Variants in ELF2 observed in about 807,000 individuals in gnomAD.
ELF2 encodes ETS-related transcription factor Elf-2.
Under a neutral mutation model 54.8 loss-of-function variants are expected in ELF2, and 11 were observed. The observed-to-expected ratio is 0.20, with a 90% confidence interval of 0.13 to 0.33. The LOEUF (loss-of-function observed/expected upper bound fraction) is 0.33. Ranked by LOEUF, ELF2 falls within the 10% of genes least tolerant of loss-of-function variation. The pLI, the probability that ELF2 is intolerant of heterozygous loss-of-function variation, is 1.00. For missense variants in ELF2, 513 were observed against 703.0 expected (o/e 0.73, Z 3.06); for synonymous variants, 203 against 245.1 (o/e 0.83, Z 1.61).
intron 1 of ELF2, among the ~76,000 whole-genome samples, chr4:139,146,261 A>G (rs1335642319): frequency 6.6e-6 from 1 of 152,222 alleles, no homozygotes; most frequent in African/African-American, 2.4e-5. Context: ...TAAGAACTCA[A>G]TCCATTTTAT....
At chr4:139,131,184 GAAT>G (rs935698763) in intron 3 of ELF2, among the ~76,000 whole-genome samples, 60 of 152,056 alleles carry the variant, frequency 3.9e-4, no homozygotes, top group African/African-American at 1.4e-3. Context: ...GAGAAACACT[GAAT>G]AATAACTGTA....
At chr4:139,143,313 T>G (rs916475568) in intron 1 of ELF2, among the ~76,000 whole-genome samples, 1 of 152,222 alleles carries the variant, frequency 6.6e-6, no homozygotes, top group Non-Finnish European at 1.5e-5. Flanking sequence ...CTCTGATCAC[T>G]GATTATTGCT....
chr4:139,171,529 G>T (rs1165954684), intron 1 of ELF2, among the ~76,000 whole-genome samples: 1 of 151,700 alleles, frequency 6.6e-6, no homozygotes, highest in Non-Finnish European at 1.5e-5. Flanking sequence ...TACATGAAAA[G>T]ATGCTCAATA....
chr4:139,121,404 A>G (rs1037238125), intron 4 of ELF2, among the ~76,000 whole-genome samples: 45 of 152,070 alleles, frequency 3.0e-4, no homozygotes, highest in African/African-American at 9.4e-4. Context: ...CACCATGCCC[A>G]GCCTAGTCTG....
intron 4 of ELF2, chr4:139,114,988 G>C (rs1037821146): frequency 1.5e-5 from 24 of 1,613,696 alleles, no homozygotes; most frequent in Non-Finnish European, 1.9e-5. Flanking sequence ...CAGCAGACCA[G>C]AAATGAAGGC....
chr4:139,086,272 G>C (rs1264847767), intron 4 of ELF2, among the ~76,000 whole-genome samples: 1 of 151,990 alleles, frequency 6.6e-6, no homozygotes, highest in African/African-American at 2.4e-5. Context: ...TTGGTACCTT[G>C]AGCATGTTTA....
At chr4:139,143,535 C>T (rs1302892400) in intron 1 of ELF2, among the ~76,000 whole-genome samples, 2 of 152,200 alleles carry the variant, frequency 1.3e-5, no homozygotes, top group Non-Finnish European at 2.9e-5. Flanking sequence ...GTAATCCCTG[C>T]ACTTTGGGAG....
intron 1 of ELF2, among the ~76,000 whole-genome samples, chr4:139,143,502 G>A (rs1314117143): frequency 2.0e-5 from 3 of 152,130 alleles, no homozygotes; most frequent in Non-Finnish European, 4.4e-5. Context: ...AGGACATTTG[G>A]CTGGGCACAG....
At position 139,159,710 on chromosome 4, in the gene ELF2, C is replaced by CCT. The variant is rs547314130; in HGVS notation, c.-252+17255_-252+17256dup. 1.0e-3 allele frequency among the ~76,000 whole-genome samples: 152 copies of CCT among 152,242 alleles called. 2 individuals carry two copies. The highest frequency in any genetic ancestry group is 3.4e-3 in the Middle Eastern group (1 of 294). On this transcript the variant is annotated intron_variant, in intron 1 of 9. Coordinates refer to ENST00000686138, the MANE Select transcript of ELF2 (RefSeq NM_001331036.3). ...TTTTTAGCTACCTTATCAGCGTAAG[C>CCT]CTTGACCTGAGCGATGAGATCTGAT...
chr4:139,151,863 G>T (rs544953989), intron 1 of ELF2, among the ~76,000 whole-genome samples: 2 of 152,128 alleles, frequency 1.3e-5, no homozygotes, highest in Non-Finnish European at 2.9e-5. Flanking sequence ...TTTTCCAACA[G>T]GTTGTCCTTT....
At chr4:139,092,349 A>G (rs1732692742) in intron 4 of ELF2, among the ~76,000 whole-genome samples, 1 of 145,112 alleles carries the variant, frequency 6.9e-6, no homozygotes, top group Admixed American at 7.1e-5. Context: ...CAACAGAGTG[A>G]CACTCCATCT....
chr4:139,109,873 C>T lies in ELF2; in HGVS notation c.238+15291G>A, dbSNP rs543792369. ...AGGAGCAAGGATATTTTTAAAACTT[C>T]CCACGTGTACTGTGTTCACTATCTG... On this transcript the variant is annotated intron_variant, in intron 4 of 9. Transcript: ENST00000686138. 9.0e-4 allele frequency among the ~76,000 whole-genome samples: 137 copies of T among 152,250 alleles called. 3 individuals carry two copies. In the South Asian group the frequency reaches 0.028, roughly 31 times the overall value.
chr4:139,077,434 C>T (rs1489884954), intron 4 of ELF2, among the ~76,000 whole-genome samples: 3 of 152,168 alleles, frequency 2.0e-5, no homozygotes, highest in South Asian at 2.1e-4. Context: ...TTACTGCTTA[C>T]TAATTTTATC....
At chr4:139,089,804 A>C (rs1388560905) in intron 4 of ELF2, among the ~76,000 whole-genome samples, 3 of 152,234 alleles carry the variant, frequency 2.0e-5, no homozygotes, top group Non-Finnish European at 2.9e-5. Flanking sequence ...TATTCATCAC[A>C]TTAGCAAATA....
chr4:139,121,197 C>T (rs1305811083), intron 4 of ELF2, among the ~76,000 whole-genome samples: 1 of 145,014 alleles, frequency 6.9e-6, no homozygotes, highest in African/African-American at 2.6e-5. Flanking sequence ...CAAGCTCCGC[C>T]TCCCGGGTTC....
intron 1 of ELF2, among the ~76,000 whole-genome samples, chr4:139,140,673 G>T (rs1738616733): frequency 6.6e-6 from 1 of 151,802 alleles, no homozygotes; most frequent in Non-Finnish European, 1.5e-5. Flanking sequence ...AGGACCGCTT[G>T]AGCCCAGGAG....
chr4:139,151,028 A>AGAAAGAAAG (rs1553971270), intron 1 of ELF2, among the ~76,000 whole-genome samples: 2 of 105,294 alleles, frequency 1.9e-5, no homozygotes, highest in East Asian at 4.4e-4. Context: ...CATCTCAAAA[A>AGAAAGAAAG]AAAAAAAGAA....
chr4:139,100,832 T>A (rs1021469029), intron 4 of ELF2, among the ~76,000 whole-genome samples: 2 of 152,188 alleles, frequency 1.3e-5, no homozygotes, highest in African/African-American at 4.8e-5. Flanking sequence ...TTTAAATCAC[T>A]TTGGCTACTA....
rs145450066 is a variant in ELF2 at position 139,153,991 on chromosome 4, G to A, written c.-251-14494C>T. 2.6e-3 allele frequency among the ~76,000 whole-genome samples: 395 copies of A among 151,814 alleles called. 2 individuals are homozygous for A. Among genetic ancestry groups the A allele is most frequent in the African/African-American group, 9.2e-3 (379 of 41,364 alleles). On this transcript the variant is annotated intron_variant, in intron 1 of 9. Transcript: ENST00000686138. ...ACTGTCCCCTTTTTCCCCTTTAAAG[G>A]TTGAAGCCCTCAAAACCCTCTTTGG...
Sources: allele counts gnomAD v4.1 joint callset (sites outside exome capture counted in the v4.1 genomes callset), GRCh38; gene constraint gnomAD v4.1.1; transcripts MANE v1.5; gene names NCBI Gene and HGNC (gene_info 2026-07-23, HGNC 2026-07-21).